Variants in NSUN5 observed in about 807,000 individuals in gnomAD.
NSUN5 encodes the protein 28S rRNA (cytosine-C(5))-methyltransferase.
Under a neutral mutation model 51.1 loss-of-function variants are expected in NSUN5, and 39 were observed. That is an observed-to-expected ratio of 0.76 (90% CI 0.59 to 1.00). The LOEUF (loss-of-function observed/expected upper bound fraction) is 1.00. NSUN5 is among the 50% of genes least tolerant of loss of function. NSUN5 has a pLI of 0.00. For missense variants in NSUN5, 526 were observed against 614.0 expected (o/e 0.86, Z 1.51); for synonymous variants, 266 against 271.5 (o/e 0.98, Z 0.20).
In NSUN5 at chr7:73,303,824, A is replaced by C. The variant is rs1446926498; in HGVS notation, c.1145+2T>G. On this transcript the variant is annotated splice_donor_variant, in intron 8 of 9. Coordinates refer to ENST00000438747, the MANE Select transcript of NSUN5 (RefSeq NM_148956.4). LOFTEE classifies it high-confidence loss of function. ...CCCACGACCCTGGCGCCCGCCCTGTACCTGAAGGCGCCCGGGTTCTGCTGC... is the reference window on the plus strand; with the variant it reads ...CCCACGACCCTGGCGCCCGCCCTGTCCCTGAAGGCGCCCGGGTTCTGCTGC... The C allele has an allele frequency of 6.2e-7, 1 of 1,613,580 alleles. No homozygotes were observed.
At chr7:73,305,570 T>G (rs1416319343) in intron 4 of NSUN5, among the ~76,000 whole-genome samples, 1 of 150,664 alleles carries the variant, frequency 6.6e-6, no homozygotes, top group East Asian at 2.0e-4. Flanking sequence ...GTTCACGCCA[T>G]TCTCCTGCCT....
At chr7:73,308,626 C>G (rs1804150368) in intron 1 of NSUN5, 72 bp downstream of exon 1, 2 of 1,587,118 alleles carry the variant, frequency 1.3e-6, no homozygotes, top group Admixed American at 1.7e-5. Flanking sequence ...CTCCCGACCC[C>G]ACCCGGGCCC....
chr7:73,308,053 G>GA, intron 2 of NSUN5: 1 of 468,574 alleles, frequency 2.1e-6, no homozygotes, highest in Non-Finnish European at 3.8e-6. Context: ...TTTCTTTTTA[G>GA]AATGGGGTCT....
At position 73,304,438 on chromosome 7, in the gene NSUN5, G is replaced by A. The variant is rs782253010; in HGVS notation, c.756-30C>T. The A allele has an allele frequency of 3.3e-5, 52 of 1,586,484 alleles. No individual in the cohort carries two copies. In the South Asian group the frequency reaches 3.4e-4, roughly 10 times the overall value. On this transcript the variant is annotated intron_variant, in intron 6 of 9. Coordinates refer to ENST00000438747, the MANE Select transcript of NSUN5 (RefSeq NM_148956.4). ...GGCAAAGCAGGGGTGAGCTGAGCAC[G>A]CATGGAGCAGCTAAGGGCCTGTCAC... is the stretch of plus-strand genomic sequence containing the variant.
In NSUN5 at chr7:73,307,709, C is replaced by T. The variant is rs1554542120; in HGVS notation, c.265G>A (p.Gly89Ser). 1.3e-6 allele frequency: 2 copies of T among 1,597,752 alleles called. No individual in the cohort carries two copies. Among genetic ancestry groups the T allele is most frequent in the Non-Finnish European group, 1.7e-6 (2 of 1,172,342 alleles). ...CGGCCCAACAGAGCCTTCCATCGGC[C>T]CCCACCCCCTCGAAAGCCCTTTCCC... ...LLGKGFRGGGGRWKALLGRHQ... is the reference protein window; with the variant it reads ...LLGKGFRGGGSRWKALLGRHQ... Residue 89 changes from glycine to serine, a missense_variant, in exon 3 of 10, where the codon GGC becomes AGC. Coordinates refer to ENST00000438747, the MANE Select transcript of NSUN5 (RefSeq NM_148956.4).
Position 73,307,564 on chromosome 7 carries a change from C to T in NSUN5, c.391+19G>A, listed in dbSNP as rs368513487. 1.2e-6 allele frequency: 2 copies of T among 1,606,322 alleles called. No individual in the cohort carries two copies. Among genetic ancestry groups the T allele is most frequent in the East Asian group, 4.5e-5 (2 of 44,662 alleles). ...CAAAGTTCCCCGCCTCCCCCACCCC[C>T]CAACTCCTTCCAGCTTACCTGGACC... is the stretch of plus-strand genomic sequence containing the variant. On this transcript the variant is annotated intron_variant, in intron 3 of 9. Coordinates refer to ENST00000438747, the MANE Select transcript of NSUN5 (RefSeq NM_148956.4).
At position 73,303,162 on chromosome 7, in the gene NSUN5, C is replaced by G. The variant is rs2695384; in HGVS notation, c.*253G>C. On this transcript the variant is annotated 3_prime_UTR_variant, in exon 10 of 10. Coordinates refer to ENST00000438747, the MANE Select transcript of NSUN5 (RefSeq NM_148956.4). The stretch of plus-strand genomic sequence containing the variant: ...TCATTCCTGTTGAGTCTAGTTGGAA[C>G]TTTTAGTATGAATGTGAGATTTTTC... The G allele has an allele frequency of 7.6e-6, 11 of 1,449,474 alleles. No individual in the cohort carries two copies. The South Asian group carries it at 1.0e-4, about 14-fold the overall frequency. 89.8% of individuals were successfully genotyped at this position (1,449,474 alleles called of 1,614,324 possible).
At position 73,304,018 on chromosome 7, in the gene NSUN5, A is replaced by C. The variant is rs149254341; in HGVS notation, c.953T>G (p.Leu318Arg). The change falls in exon 8 of 10, where the codon CTG becomes CGG. Residue 318 changes from leucine to arginine, a missense_variant. Leu to Arg is a moderately radical substitution (Grantham distance 102). Transcript: ENST00000438747. ...CSGSGMPSRQ[L>R]EEPGAGTPSP... ...AGGTGTGCCTGCCCCGGGCTCCTCC[A>C]GCTGTCTGCTCGGCATACCTAAGGA... The C allele has an allele frequency of 9.2e-5, 148 of 1,613,974 alleles. No individual in the cohort carries two copies. The African/African-American group carries it at 1.7e-3, about 19-fold the overall frequency.
rs1554541562 is a variant in NSUN5 at position 73,304,837 on chromosome 7, A to C, written c.665T>G (p.Leu222Arg). Residue 222 changes from leucine to arginine, a missense_variant, in exon 6 of 10, where the codon CTG becomes CGG. Leu to Arg is a moderately radical substitution (Grantham distance 102, BLOSUM62 -2). Transcript: ENST00000438747. ...DRASCLPAML[L>R]DPPPGSHVID... Reference sequence around the variant, plus strand: ...GACATGGGAGCCTGGCGGGGGGTCCAGCAGCATGGCTGGGAGACAGCTGGC... The same window carrying C: ...GACATGGGAGCCTGGCGGGGGGTCCCGCAGCATGGCTGGGAGACAGCTGGC... 1.2e-6 allele frequency: 2 copies of C among 1,613,966 alleles called. No homozygotes were observed. Among genetic ancestry groups the C allele is most frequent in the Admixed American group, 1.7e-5 (1 of 60,016 alleles).
chr7:73,304,968 C>T lies in NSUN5; in HGVS notation c.630G>A (p.Leu210=). Residue 210 remains leucine, a synonymous_variant, in exon 5 of 10, where the codon CTG becomes CTA. Coordinates refer to ENST00000438747, the MANE Select transcript of NSUN5 (RefSeq NM_148956.4). Reference sequence around the variant, plus strand: ...TATTCCTCTTGCCTACCCTGTCCTGCAGAATGAGGTGTCCGGCCCGGTACA... The same window carrying T: ...TATTCCTCTTGCCTACCCTGTCCTGTAGAATGAGGTGTCCGGCCCGGTACA... ...HPLYRAGHLI[L]QDRASCLPAM... is the part of the protein sequence containing the mutation. The T allele has an allele frequency of 6.2e-7, 1 of 1,612,214 alleles. No homozygotes were observed.
rs548731478 is a variant in NSUN5 at position 73,304,353 on chromosome 7, G to C, written c.811C>G (p.Leu271Val). 2.3e-5 allele frequency: 37 copies of C among 1,614,022 alleles called. 1 individual carries two copies. The South Asian group carries it at 3.8e-4, about 17-fold the overall frequency. Residue 271 changes from leucine (L) to valine (V), a missense_variant, in exon 7 of 10, where the codon CTG becomes GTG. Leu to Val is a conservative substitution (Grantham distance 32). Coordinates refer to ENST00000438747, the MANE Select transcript of NSUN5 (RefSeq NM_148956.4). ...CAGCAAGAGACGCCAGCCCGGGCCAGCAGCGTGGCCATGGATGCCAGCCGC... is the reference window on the plus strand; with the variant it reads ...CAGCAAGAGACGCCAGCCCGGGCCACCAGCGTGGCCATGGATGCCAGCCGC... Reference protein sequence around the residue: ...AKRLASMATLLARAGVSCCEL... With the variant: ...AKRLASMATLVARAGVSCCEL...
In NSUN5 at chr7:73,303,342, G is replaced by C. The variant is rs1803876560; in HGVS notation, c.*73C>G. 6.2e-7 allele frequency: 1 copy of C among 1,613,878 alleles called. No homozygotes were observed. Among genetic ancestry groups the C allele is most frequent in the Admixed American group, 1.7e-5 (1 of 59,988 alleles). ...AAACCCAAACTGCTTCCTGCGGTGA[G>C]GGCCCAGGGTCCTCCACGGAGAGGA... On this transcript the variant is annotated 3_prime_UTR_variant, in exon 10 of 10. Transcript: ENST00000438747.
intron 4 of NSUN5, among the ~76,000 whole-genome samples, chr7:73,306,287 G>A (rs1210909729): frequency 5.3e-5 from 8 of 149,946 alleles, no homozygotes; most frequent in Non-Finnish European, 8.9e-5. Context: ...AGGAGGCTGA[G>A]GCAGGAGAAT....
In NSUN5 at chr7:73,308,739, G is replaced by A. The variant is rs376991537; in HGVS notation, c.52C>T (p.Gln18Ter). The change falls in exon 1 of 10, where the codon CAG (glutamine) becomes TAG (stop). Residue 18 changes from glutamine (Q) to a stop codon, truncating the protein, a stop_gained. Coordinates refer to ENST00000438747, the MANE Select transcript of NSUN5 (RefSeq NM_148956.4). LOFTEE classifies it high-confidence loss of function. ...AGVLAGVESR[Q>*]GSIKGLVYSS... ...TACACCAACCCCTTGATAGAGCCCT[G>A]GCGGCTCTCCACGCCGGCCAACACG... is the stretch of plus-strand genomic sequence containing the variant. 5.0e-6 allele frequency: 8 copies of A among 1,612,446 alleles called. No individual in the cohort carries two copies. Among genetic ancestry groups the A allele is most frequent in the African/African-American group, 2.7e-5 (2 of 74,808 alleles).
At chr7:73,304,922 C>T (rs1554541586) in intron 5 of NSUN5, 37 bp downstream of exon 5, 3 of 1,612,420 alleles carry the variant, frequency 1.9e-6, no homozygotes, top group African/African-American at 1.3e-5. Flanking sequence ...CCTTCCCGTG[C>T]CTACACATTC....
chr7:73,306,155 G>A (rs190113272), intron 4 of NSUN5, among the ~76,000 whole-genome samples: 6 of 152,024 alleles, frequency 3.9e-5, no homozygotes, highest in South Asian at 2.1e-4. Flanking sequence ...AGGCCGAGGC[G>A]GGCAGATCAC....
Position 73,308,818 on chromosome 7 carries a change from G to C in NSUN5, c.-28C>G. 6.2e-7 allele frequency: 1 copy of C among 1,604,012 alleles called. No individual in the cohort carries two copies. Among genetic ancestry groups the C allele is most frequent in the Non-Finnish European group, 8.5e-7 (1 of 1,172,528 alleles). On this transcript the variant is annotated 5_prime_UTR_variant, in exon 1 of 10. Coordinates refer to ENST00000438747, the MANE Select transcript of NSUN5 (RefSeq NM_148956.4). ...TCCCGCGCGCCTTTACGGCTCTGTG[G>C]CAAAACGCACCCGGCTCGGCGCCCG...
chr7:73,305,263 G>C (rs1389911672), intron 4 of NSUN5, among the ~76,000 whole-genome samples, 166 bp from the exon 5 acceptor site: 3 of 152,176 alleles, frequency 2.0e-5, no homozygotes, highest in Non-Finnish European at 4.4e-5. Context: ...TGTCAAGCCA[G>C]ACTGATGGGT....
Position 73,308,815 on chromosome 7 carries a change from G to A in NSUN5, c.-25C>T. 2 of 1,604,772 alleles carry A rather than the reference G, an allele frequency of 1.2e-6. No homozygotes were observed. Among genetic ancestry groups the A allele is most frequent in the Non-Finnish European group, 1.7e-6 (2 of 1,173,088 alleles). ...TGTTCCCGCGCGCCTTTACGGCTCT[G>A]TGGCAAAACGCACCCGGCTCGGCGC... On this transcript the variant is annotated 5_prime_UTR_variant, in exon 1 of 10. Coordinates refer to ENST00000438747, the MANE Select transcript of NSUN5 (RefSeq NM_148956.4).
Sources: gnomAD v4.1 joint callset for allele counts (sites outside exome capture counted in the v4.1 genomes callset) on GRCh38, gnomAD v4.1.1 for gene constraint, MANE v1.5 for transcripts, NCBI Gene and HGNC (gene_info 2026-07-23, HGNC 2026-07-21) for gene names.